TRANK1: variants seen among roughly 807,000 people sequenced by gnomAD.
TRANK1 encodes TPR and ankyrin repeat-containing protein 1.
TRANK1 carries 198 observed loss-of-function variants against 266.0 expected under a neutral mutation model. The observed-to-expected ratio is 0.74, with a 90% CI of 0.66 to 0.84. The LOEUF (loss-of-function observed/expected upper bound fraction) is 0.84. Among genes scored for constraint, TRANK1 ranks in the 40% least tolerant of loss-of-function variants. The probability of loss-of-function intolerance (pLI) is 0.00; values close to 1 mark genes in which losing one functional copy is unlikely to be tolerated. For synonymous variants in TRANK1, 1,396 were observed against 1,384.1 expected (o/e 1.01, Z -0.19); for missense variants, 3,326 against 3,634.6 (o/e 0.92, Z 2.18).
intron 15 of TRANK1, chr3:36,851,143 G>A: frequency 1.0e-6 from 1 of 985,668 alleles, no homozygotes; most frequent in Non-Finnish European, 1.2e-6. Flanking sequence ...AGAGGTCACT[G>A]GGGGTCAATG....
At chr3:36,835,007 G>T in intron 20 of TRANK1, 100 bp from the exon 21 acceptor site, 1 of 1,230,840 alleles carries the variant, frequency 8.1e-7, no homozygotes, top group Non-Finnish European at 1.1e-6. Flanking sequence ...TCATATGTCT[G>T]CTTTCTGTTA....
intron 20 of TRANK1, among the ~76,000 whole-genome samples, chr3:36,835,267 C>T (rs1313870991): frequency 1.5e-5 from 2 of 134,478 alleles, no homozygotes; most frequent in African/African-American, 5.8e-5. Context: ...TGCAGTGAGC[C>T]GAGATCCCGC....
chr3:36,842,646 G>C lies in TRANK1; in HGVS notation c.5256C>G (p.Tyr1752Ter), dbSNP rs1175693866. The C allele has an allele frequency of 6.2e-7, 1 of 1,613,872 alleles. No homozygotes were observed. The highest frequency in any genetic ancestry group is 8.5e-7 in the Non-Finnish European group (1 of 1,179,894). ...TPAEWIAQGDYYAKHQCWKVA... is the reference protein window; with the variant it reads ...TPAEWIAQGD ...CCTTCCAGCACTGGTGCTTGGCGTA[G>C]TAATCTCCCTGTGCAATCCACTCCG... Residue 1752 changes from tyrosine to a stop codon, truncating the protein, a stop_gained, in exon 18 of 24, where the codon TAC becomes TAG. Coordinates refer to ENST00000645898, the MANE Select transcript of TRANK1 (RefSeq NM_001329998.2). LOFTEE classifies it high-confidence loss of function.
chr3:36,907,520 AG>A (rs2079988813), intron 2 of TRANK1, among the ~76,000 whole-genome samples: 2 of 137,314 alleles, frequency 1.5e-5, no homozygotes, highest in Admixed American at 1.7e-4. Context: ...GATGGAGTGC[AG>A]TGGCGTAATC....
At position 36,831,216 on chromosome 3, in the gene TRANK1, C is replaced by T. The variant is rs368926806; in HGVS notation, c.8367G>A (p.Ala2789=). 960 of 1,613,870 alleles carry T rather than the reference C, an allele frequency of 5.9e-4. 3 individuals carry two copies. Among genetic ancestry groups the T allele is most frequent in the Non-Finnish European group, 5.8e-4 (683 of 1,179,890 alleles). The change falls in exon 22 of 24, where the codon GCG becomes GCA. Residue 2789 remains alanine, a synonymous_variant. Coordinates refer to ENST00000645898, the MANE Select transcript of TRANK1 (RefSeq NM_001329998.2). This position sits in a 1 kb window ranked among gnomAD's most constrained non-coding sequence, Gnocchi z 5.0. ...CCACCTCGGAAGCTGCCCCCTCAAA[C>T]GCTTTGCTGGGGCTGAAATAGTTCT... ...GPENYFSPSK[A]FEGAASEVAV...
In TRANK1 at chr3:36,834,815, G is replaced by C. The variant is rs2078745922; in HGVS notation, c.5610C>G (p.Leu1870=). The C allele has an allele frequency of 2.5e-6, 4 of 1,613,616 alleles. No homozygotes were observed. In the South Asian group the frequency reaches 3.3e-5, roughly 13 times the overall value. Reference sequence around the variant, plus strand: ...AAAGCTCCTCTTGGCAGTACATTTTGAGTGCTAGATCAAATTCCTGAATCT... The same window carrying C: ...AAAGCTCCTCTTGGCAGTACATTTTCAGTGCTAGATCAAATTCCTGAATCT... ...FEQIQEFDLA[L]KMYCQEELFE... is the part of the protein sequence containing the mutation. The change falls in exon 21 of 24, where the codon CTC becomes CTG. Residue 1870 remains leucine, a synonymous_variant. Coordinates refer to ENST00000645898, the MANE Select transcript of TRANK1 (RefSeq NM_001329998.2).
At position 36,831,931 on chromosome 3, in the gene TRANK1, A is replaced by G. The variant is rs1176869666; in HGVS notation, c.7652T>C (p.Ile2551Thr). 1.2e-6 allele frequency: 2 copies of G among 1,614,044 alleles called. No homozygotes were observed. The highest frequency in any genetic ancestry group is 1.7e-6 in the Non-Finnish European group (2 of 1,179,914). Residue 2551 changes from isoleucine to threonine, a missense_variant, in exon 22 of 24, where the codon ATA becomes ACA. Physicochemically the swap from Ile to Thr is moderately conservative, Grantham distance 89. Coordinates refer to ENST00000645898, the MANE Select transcript of TRANK1 (RefSeq NM_001329998.2). This position sits in a 1 kb window ranked among gnomAD's most constrained non-coding sequence, Gnocchi z 5.0. ...FNVLLDAFSE[I>T]DYVVSGEAER... ...AGCCTCACCCGAGACCACATAGTCT[A>G]TTTCACTGAAGGCATCAAGCAGGAC...
chr3:36,896,740 A>G lies in TRANK1; in HGVS notation c.434-982T>C, dbSNP rs568995696. On this transcript the variant is annotated intron_variant, in intron 4 of 23. Coordinates refer to ENST00000645898, the MANE Select transcript of TRANK1 (RefSeq NM_001329998.2). ...CCGGGTGCAGTGGCTCACACCTGTAATCTGAGCACTTTGGGAGGCCAAGGC... is the reference window on the plus strand; with the variant it reads ...CCGGGTGCAGTGGCTCACACCTGTAGTCTGAGCACTTTGGGAGGCCAAGGC... Among the ~76,000 whole-genome samples, 11 of 152,350 alleles carry G rather than the reference A, an allele frequency of 7.2e-5. No individual in the cohort carries two copies. In the South Asian group the frequency reaches 2.3e-3, roughly 32 times the overall value.
intron 1 of TRANK1, among the ~76,000 whole-genome samples, chr3:36,909,376 TG>T (rs1200437762): frequency 1.3e-5 from 2 of 152,134 alleles, no homozygotes; most frequent in Non-Finnish European, 2.9e-5. Context: ...TGGGGGGCCT[TG>T]GTAAGTGTGC....
intron 13 of TRANK1, 59 bp downstream of exon 13, chr3:36,855,114 G>C (rs1356504090): frequency 6.1e-6 from 9 of 1,472,854 alleles, no homozygotes; most frequent in Non-Finnish European, 8.3e-6. Flanking sequence ...CAGCTTCAAA[G>C]GCAGCCCAAA....
intron 15 of TRANK1, chr3:36,850,932 C>T (rs1398643538): frequency 2.0e-6 from 2 of 985,354 alleles, no homozygotes; most frequent in Non-Finnish European, 2.4e-6. Context: ...GGGACACAGC[C>T]AGCTAAGTCC....
In TRANK1 at chr3:36,855,640, AG is replaced by A. The variant is rs771423257; in HGVS notation, c.4081del (p.Leu1361SerfsTer16). 1 of 1,613,910 alleles carries A rather than the reference AG, an allele frequency of 6.2e-7. No individual in the cohort carries two copies. Among genetic ancestry groups the A allele is most frequent in the Non-Finnish European group, 8.5e-7 (1 of 1,179,868 alleles). ...AGTGAGTCTCCCATGGGGACAGCTG[AG>A]GGCCTCAAAAGAACCCTTTAGAAAA... ...KSFLKGSFEA[L>X]SCPHGRLTEE... On this transcript the variant is annotated frameshift_variant, in exon 13 of 24. Transcript: ENST00000645898. LOFTEE classifies it high-confidence loss of function.
chr3:36,901,209 C>T (rs2079877355), intron 3 of TRANK1, among the ~76,000 whole-genome samples: 1 of 150,090 alleles, frequency 6.7e-6, no homozygotes, highest in South Asian at 2.1e-4. Context: ...TGAGATTCAA[C>T]AGATGCAAAA....
chr3:36,896,473 G>A (rs4423718), intron 4 of TRANK1, among the ~76,000 whole-genome samples: 48,782 of 152,102 alleles, frequency 0.32, 8,653 homozygotes, highest in East Asian at 0.56. Flanking sequence ...CCATAAATAT[G>A]TTTTTCAAAA....
intron 6 of TRANK1, 86 bp downstream of exon 6, chr3:36,892,815 G>C (rs994097065): frequency 8.7e-5 from 43 of 494,366 alleles, no homozygotes; most frequent in African/African-American, 7.7e-4. Flanking sequence ...GCGAAAGGGC[G>C]AGACTCAGTC....
At position 36,833,531 on chromosome 3, in the gene TRANK1, C is replaced by T; in HGVS notation, c.6052G>A (p.Asp2018Asn). Residue 2018 changes from aspartate to asparagine, a missense_variant, in exon 22 of 24, where the codon GAT becomes AAT. Asp to Asn is a conservative substitution (Grantham distance 23). Coordinates refer to ENST00000645898, the MANE Select transcript of TRANK1 (RefSeq NM_001329998.2). The stretch of plus-strand genomic sequence containing the variant: ...AACTGGCCAGTTTGATAGCAGATAT[C>T]AAGTGCTTCTCTCAGAATGTCCTTG... ...HTKDILREAL[D>N]ICYQTGQLSG... The T allele has an allele frequency of 6.2e-7, 1 of 1,613,948 alleles. No homozygotes were observed. Among genetic ancestry groups the T allele is most frequent in the Non-Finnish European group, 8.5e-7 (1 of 1,179,878 alleles).
At chr3:36,905,047 T>C (rs1423470198) in intron 2 of TRANK1, among the ~76,000 whole-genome samples, 2 of 150,906 alleles carry the variant, frequency 1.3e-5, no homozygotes, top group Admixed American at 1.3e-4. Flanking sequence ...CCCAGCACTT[T>C]AGGAGGCCGA....
chr3:36,914,771 G>A (rs2080102508), intron 1 of TRANK1, among the ~76,000 whole-genome samples: 1 of 151,590 alleles, frequency 6.6e-6, no homozygotes, highest in Non-Finnish European at 1.5e-5. Context: ...CCTAGTAGCT[G>A]CTATTACAGG....
At chr3:36,944,716 G>A in intron 1 of TRANK1, 71 bp downstream of exon 1, 1 of 1,484,752 alleles carries the variant, frequency 6.7e-7, no homozygotes, top group South Asian at 1.2e-5. Context: ...GCGCGCGGCC[G>A]CCTCCCGCCA....
Sources: allele counts gnomAD v4.1 joint callset (sites outside exome capture counted in the v4.1 genomes callset), GRCh38; gene constraint gnomAD v4.1.1; non-coding constraint Gnocchi (gnomAD v3.1); transcripts MANE v1.5; gene names NCBI Gene and HGNC (gene_info 2026-07-23, HGNC 2026-07-21).